L3MBTL4: variants seen among roughly 807,000 people sequenced by gnomAD.
L3MBTL4 encodes lethal(3)malignant brain tumor-like protein 4.
L3MBTL4 carries 70 observed loss-of-function variants against 84.5 expected under a neutral mutation model. The ratio of observed to expected loss-of-function variants is 0.83; its 90% CI spans 0.68 to 1.01. L3MBTL4 has a LOEUF of 1.01. Among genes scored for constraint, L3MBTL4 ranks in the 50% least tolerant of loss-of-function variants. L3MBTL4 has a pLI of 0.00. For synonymous variants in L3MBTL4, 274 were observed against 259.8 expected, an observed-to-expected ratio of 1.05 and a Z score of -0.52; for missense variants, 715 against 754.8, an observed-to-expected ratio of 0.95 and a Z score of 0.62.
intron 14 of L3MBTL4, among the ~76,000 whole-genome samples, chr18:6,115,163 T>G (rs1366772431): frequency 6.6e-6 from 1 of 152,008 alleles, no homozygotes; most frequent in Non-Finnish European, 1.5e-5. Flanking sequence ...TTATAAGCTG[T>G]TTGAATGGTT....
chr18:5,957,074 G>A (rs1970645), intron 18 of L3MBTL4, among the ~76,000 whole-genome samples: 56,249 of 152,062 alleles, frequency 0.37, 10,687 homozygotes, highest in East Asian at 0.49. Context: ...ATCTTTGGAT[G>A]TAGAATAGTG....
At chr18:5,987,363 C>G (rs1031402097) in intron 16 of L3MBTL4, among the ~76,000 whole-genome samples, 5 of 152,238 alleles carry the variant, frequency 3.3e-5, no homozygotes, top group African/African-American at 9.6e-5. Flanking sequence ...TTTGCACTGT[C>G]CCCTCCCTCA....
Position 6,244,373 on chromosome 18 carries a change from A to G in L3MBTL4, c.324+111T>C, listed in dbSNP as rs1036890834. On this transcript the variant is annotated intron_variant, in intron 6 of 18. Coordinates refer to ENST00000317931, the MANE Select transcript of L3MBTL4 (RefSeq NM_001330559.2). Reference sequence around the variant, plus strand: ...ACCCATCGCTGACTAAAATAAATCCATAATGCACTGGAACTTCTTCATAAT... The same window carrying G: ...ACCCATCGCTGACTAAAATAAATCCGTAATGCACTGGAACTTCTTCATAAT... 1.8e-5 allele frequency: 12 copies of G among 668,456 alleles called. No individual in the cohort carries two copies. In the African/African-American group the frequency reaches 1.8e-4, roughly 10 times the overall value. 41.4% of individuals were successfully genotyped at this position (668,456 alleles called of 1,614,324 possible).
intron 16 of L3MBTL4, chr18:6,031,634 A>G: frequency 1.0e-6 from 1 of 960,078 alleles, no homozygotes; most frequent in Non-Finnish European, 1.2e-6. Flanking sequence ...CTTGGCTGGG[A>G]TGACCAGGGC....
At chr18:6,248,556 C>G (rs892972315) in intron 5 of L3MBTL4, among the ~76,000 whole-genome samples, 3 of 152,200 alleles carry the variant, frequency 2.0e-5, no homozygotes, top group Non-Finnish European at 2.9e-5. Flanking sequence ...ACCGCATTCC[C>G]TCACACCACC....
intron 12 of L3MBTL4, among the ~76,000 whole-genome samples, chr18:6,182,038 T>C (rs184816302): frequency 3.4e-4 from 52 of 152,370 alleles, no homozygotes; most frequent in African/African-American, 1.3e-3. Flanking sequence ...CTGGGTTGAA[T>C]GGCAATTCTG....
intron 3 of L3MBTL4, among the ~76,000 whole-genome samples, chr18:6,308,477 G>T (rs1040227541): frequency 8.5e-5 from 13 of 152,232 alleles, no homozygotes; most frequent in Middle Eastern, 6.8e-3. Flanking sequence ...GTATAAAAAG[G>T]ATATATGAAT....
At chr18:5,989,802 C>G (rs1269991279) in intron 16 of L3MBTL4, among the ~76,000 whole-genome samples, 4 of 152,180 alleles carry the variant, frequency 2.6e-5, no homozygotes, top group African/African-American at 9.7e-5. Context: ...GAGGCTGCAC[C>G]CTGTCTTTTC....
chr18:6,210,217 A>C (rs1450449341), intron 12 of L3MBTL4, among the ~76,000 whole-genome samples: 1 of 152,244 alleles, frequency 6.6e-6, no homozygotes, highest in Non-Finnish European at 1.5e-5. Flanking sequence ...GAAGGAAATG[A>C]AGTTGTCTTT....
intron 17 of L3MBTL4, among the ~76,000 whole-genome samples, chr18:5,965,696 C>T (rs1032338000): frequency 1.3e-5 from 2 of 152,204 alleles, no homozygotes; most frequent in African/African-American, 4.8e-5. Flanking sequence ...CCCCCATTTT[C>T]AACCCATCAG....
At chr18:6,042,942 C>A (rs943465606) in intron 16 of L3MBTL4, among the ~76,000 whole-genome samples, 2 of 152,158 alleles carry the variant, frequency 1.3e-5, no homozygotes, top group Non-Finnish European at 2.9e-5. Context: ...AGACGTAACT[C>A]AATATTCTCA....
chr18:6,263,025 G>T (rs534087371), intron 5 of L3MBTL4, among the ~76,000 whole-genome samples: 1 of 152,124 alleles, frequency 6.6e-6, no homozygotes, highest in Non-Finnish European at 1.5e-5. Flanking sequence ...TGTAATCCCC[G>T]GCACTTTGGG....
intron 1 of L3MBTL4, among the ~76,000 whole-genome samples, chr18:6,410,168 G>A (rs1001919323): frequency 1.3e-5 from 2 of 152,176 alleles, no homozygotes; most frequent in Non-Finnish European, 2.9e-5. Context: ...TCTCAGGGCC[G>A]TCTCTCCTTC....
At chr18:6,286,157 C>T (rs1041861317) in intron 4 of L3MBTL4, among the ~76,000 whole-genome samples, 1 of 151,024 alleles carries the variant, frequency 6.6e-6, no homozygotes, top group Non-Finnish European at 1.5e-5. Context: ...CAATACCTAA[C>T]ATTTCCCCTT....
At chr18:6,137,420 T>C (rs80148535) in intron 14 of L3MBTL4, among the ~76,000 whole-genome samples, 2,578 of 152,360 alleles carry the variant, frequency 0.017, 76 homozygotes, top group African/African-American at 0.058. Flanking sequence ...TGATAAAGCA[T>C]GGACTTCCTG....
chr18:6,338,317 A>C (rs1266671908), intron 1 of L3MBTL4, among the ~76,000 whole-genome samples: 2 of 152,026 alleles, frequency 1.3e-5, no homozygotes. Flanking sequence ...GAAATGCAAA[A>C]AGAAATGAAA....
At chr18:6,115,516 G>A (rs928164136) in intron 14 of L3MBTL4, among the ~76,000 whole-genome samples, 1 of 152,174 alleles carries the variant, frequency 6.6e-6, no homozygotes, top group African/African-American at 2.4e-5. Flanking sequence ...TGGGTGGAGG[G>A]AATGAGGTCA....
intron 10 of L3MBTL4, among the ~76,000 whole-genome samples, chr18:6,229,795 T>G (rs1309493174): frequency 1.3e-5 from 2 of 152,022 alleles, no homozygotes; most frequent in Non-Finnish European, 2.9e-5. Context: ...ACTGCAAGGG[T>G]GTATTTGTGA....
At chr18:6,142,978 T>C (rs770234957) in intron 13 of L3MBTL4, among the ~76,000 whole-genome samples, 3 of 152,142 alleles carry the variant, frequency 2.0e-5, no homozygotes, top group Non-Finnish European at 2.9e-5. Flanking sequence ...ACATATAGTA[T>C]ATAAACAGTT....
Sources: allele counts gnomAD v4.1 joint callset (sites outside exome capture counted in the v4.1 genomes callset), GRCh38; gene constraint gnomAD v4.1.1; transcripts MANE v1.5; gene names NCBI Gene and HGNC (gene_info 2026-07-23, HGNC 2026-07-21).